The following ABCC4 variants were observed in gnomAD, a reference collection of about 807,000 sequenced individuals.
The protein encoded by ABCC4 is ATP-binding cassette sub-family C member 4.
In ABCC4, 102 loss-of-function variants were observed where a neutral mutation model predicts 168.5. The observed-to-expected ratio is 0.61, with a 90% CI of 0.52 to 0.71. The LOEUF (loss-of-function observed/expected upper bound fraction) is 0.71, where lower values mean the gene tolerates loss of function less well. Ranked by LOEUF, ABCC4 falls within the 30% of genes least tolerant of loss-of-function variation. ABCC4 has a pLI of 0.00. For missense variants in ABCC4, 1,402 were observed against 1,605.8 expected, an observed-to-expected ratio of 0.87 and a Z score of 2.17; for synonymous variants, 617 against 590.7, an observed-to-expected ratio of 1.04 and a Z score of -0.65.
At chr13:95,296,374 A>G (rs972639701) in intron 1 of ABCC4, among the ~76,000 whole-genome samples, 1 of 152,054 alleles carries the variant, frequency 6.6e-6, no homozygotes, top group East Asian at 1.9e-4. Flanking sequence ...TAAACATTTG[A>G]TGCATTGACT....
At chr13:95,209,406 A>G in intron 6 of ABCC4, 28 bp downstream of exon 6, 2 of 1,609,078 alleles carry the variant, frequency 1.2e-6, no homozygotes, top group Non-Finnish European at 1.7e-6. Flanking sequence ...AATACATATG[A>G]CATTTTTCAC....
intron 4 of ABCC4, among the ~76,000 whole-genome samples, chr13:95,231,015 G>T (rs934617472): frequency 2.0e-5 from 3 of 152,200 alleles, no homozygotes; most frequent in Non-Finnish European, 4.4e-5. Flanking sequence ...TATGCTACAT[G>T]AAGTGAGCCA....
chr13:95,177,606 G>T, intron 13 of ABCC4, 101 bp downstream of exon 13: 1 of 866,420 alleles, frequency 1.2e-6, no homozygotes. Context: ...GAGGGGAGCG[G>T]ACACCAGAGT....
At position 95,163,218 on chromosome 13, in the gene ABCC4, T is replaced by A; in HGVS notation, c.2214-2A>T. 6.3e-7 allele frequency: 1 copy of A among 1,592,478 alleles called. No individual in the cohort carries two copies. The highest frequency in any genetic ancestry group is 8.6e-7 in the Non-Finnish European group (1 of 1,163,638). ...TTTAGCATACTTTGTTTGTTTGCCCTATGGAACATGGGGAGAAAAAAATAT... is the reference window on the plus strand; with the variant it reads ...TTTAGCATACTTTGTTTGTTTGCCCAATGGAACATGGGGAGAAAAAAATAT... On this transcript the variant is annotated splice_acceptor_variant, in intron 17 of 30. Coordinates refer to ENST00000645237, the MANE Select transcript of ABCC4 (RefSeq NM_005845.5). LOFTEE classifies it high-confidence loss of function.
chr13:95,113,860 A>T (rs1175529526), intron 20 of ABCC4, among the ~76,000 whole-genome samples: 1 of 152,226 alleles, frequency 6.6e-6, no homozygotes, highest in African/African-American at 2.4e-5. Flanking sequence ...AATGTTGGGA[A>T]ATGTCCCTCA....
chr13:95,086,000 C>T (rs1471731171), intron 20 of ABCC4, among the ~76,000 whole-genome samples: 9 of 39,620 alleles, frequency 2.3e-4, no homozygotes, highest in East Asian at 1.2e-3. Flanking sequence ...ATCCTACACA[C>T]GATTCATATT....
In ABCC4 at chr13:95,088,084, C is replaced by G. The variant is rs1162111687; in HGVS notation, c.2536-4794G>C. ...TGTTGGACTTCGGTTAGTGCTTAAT[C>G]CTGAGTCCCAGCTAACTCCAATGAA... On this transcript the variant is annotated intron_variant, in intron 20 of 30. Transcript: ENST00000645237. Among the ~76,000 whole-genome samples, 4 of 152,282 alleles carry G rather than the reference C, an allele frequency of 2.6e-5. No homozygotes were observed. In the East Asian group the frequency reaches 5.8e-4, roughly 22 times the overall value.
intron 20 of ABCC4, among the ~76,000 whole-genome samples, chr13:95,101,166 T>C (rs2034793502): frequency 6.6e-6 from 1 of 152,172 alleles, no homozygotes. Flanking sequence ...TCACATTTTC[T>C]TTTTCTTGGG....
chr13:95,121,202 C>CA (rs1375729266), intron 19 of ABCC4, among the ~76,000 whole-genome samples: 1 of 152,106 alleles, frequency 6.6e-6, no homozygotes, highest in Non-Finnish European at 1.5e-5. Flanking sequence ...TACTGACACT[C>CA]AAATTCCTGA....
At chr13:95,294,909 A>C (rs908791434) in intron 1 of ABCC4, among the ~76,000 whole-genome samples, 2 of 152,174 alleles carry the variant, frequency 1.3e-5, no homozygotes, top group Non-Finnish European at 2.9e-5. Flanking sequence ...AGCCGAGATC[A>C]CGCCACTGCA....
intron 1 of ABCC4, among the ~76,000 whole-genome samples, chr13:95,279,440 G>A (rs577620925): frequency 1.8e-4 from 28 of 152,328 alleles, no homozygotes; most frequent in Middle Eastern, 3.4e-3. Context: ...GTTTGCAAAT[G>A]TTAATCATGG....
chr13:95,022,587 A>T (rs1243012670), intron 30 of ABCC4, among the ~76,000 whole-genome samples: 1 of 152,014 alleles, frequency 6.6e-6, no homozygotes, highest in African/African-American at 2.4e-5. Flanking sequence ...TTCAAATGTA[A>T]TTTTTTTTCC....
chr13:95,204,075 A>T (rs2038712360), intron 8 of ABCC4, among the ~76,000 whole-genome samples: 1 of 152,112 alleles, frequency 6.6e-6, no homozygotes, highest in South Asian at 2.1e-4. Flanking sequence ...ACCTGGCCGG[A>T]GGGCTTAGTA....
intron 19 of ABCC4, among the ~76,000 whole-genome samples, chr13:95,153,749 A>T (rs2036766516): frequency 2.0e-5 from 3 of 152,226 alleles, no homozygotes; most frequent in Non-Finnish European, 4.4e-5. Context: ...CTAGTAGATT[A>T]AAAATTATGC....
chr13:95,075,591 G>C, intron 21 of ABCC4, 40 bp from the exon 22 acceptor site: 2 of 1,612,006 alleles, frequency 1.2e-6, no homozygotes, highest in Non-Finnish European at 1.7e-6. Flanking sequence ...GTGAGGCTGG[G>C]TGCAGAAAAA....
Position 95,044,419 on chromosome 13 carries a change from A to T in ABCC4, c.3476T>A (p.Ile1159Asn), listed in dbSNP as rs923403997. Residue 1159 changes from isoleucine to asparagine, a missense_variant, in exon 28 of 31, where the codon ATT (isoleucine) becomes AAT (asparagine). Around this residue, in one of 3 missense-constraint regions of ABCC4, gnomAD observed 1,007 missense variants for 1,127.3 expected, o/e 0.89. Coordinates refer to ENST00000645237, the MANE Select transcript of ABCC4 (RefSeq NM_005845.5). The part of the protein sequence containing the change: ...ALQEVQLKET[I>N]EDLPGKMDTE... ...ATCCATTTTACCAGGAAGATCTTCA[A>T]TGGTTTCTTTAAGTTGTACCTGTAG... 1 of 1,611,928 alleles carries T rather than the reference A, an allele frequency of 6.2e-7. No individual in the cohort carries two copies. The highest frequency in any genetic ancestry group is 8.5e-7 in the Non-Finnish European group (1 of 1,179,248).
intron 1 of ABCC4, among the ~76,000 whole-genome samples, chr13:95,296,125 CCT>C (rs1271497019): frequency 6.9e-6 from 1 of 144,450 alleles, no homozygotes; most frequent in Non-Finnish European, 1.5e-5. Flanking sequence ...AGAGCAAGAC[CCT>C]GTCTCAAAAC....
intron 19 of ABCC4, among the ~76,000 whole-genome samples, chr13:95,149,377 T>C (rs2036600704): frequency 6.6e-6 from 1 of 152,208 alleles, no homozygotes; most frequent in Non-Finnish European, 1.5e-5. Context: ...CTTTTCATTT[T>C]CATGCTAAGT....
chr13:95,262,118 A>C (rs938149949), intron 1 of ABCC4, among the ~76,000 whole-genome samples: 1 of 152,194 alleles, frequency 6.6e-6, no homozygotes, highest in Non-Finnish European at 1.5e-5. Flanking sequence ...GGCAGCTCTC[A>C]GCAAGTTCAC....
Sources: gnomAD v4.1 joint callset for allele counts (sites outside exome capture counted in the v4.1 genomes callset) on GRCh38, gnomAD v4.1.1 for gene constraint, gnomAD v4.1.1 regional missense constraint, MANE v1.5 for transcripts, NCBI Gene and HGNC (gene_info 2026-07-23, HGNC 2026-07-21) for gene names.